Variants in CNTNAP5 observed in about 807,000 individuals in gnomAD.
The protein encoded by CNTNAP5 is contactin-associated protein-like 5.
In CNTNAP5, 72 loss-of-function variants were observed where a neutral mutation model predicts 150.2. That is an observed-to-expected ratio of 0.48 (90% CI 0.40 to 0.58). CNTNAP5 has a LOEUF of 0.58. Among genes scored for constraint, CNTNAP5 ranks in the 20% least tolerant of loss-of-function variants. CNTNAP5 has a pLI of 0.00. For synonymous variants in CNTNAP5, 672 were observed against 619.8 expected (o/e 1.08, Z -1.25); for missense variants, 1,636 against 1,626.2 (o/e 1.01, Z -0.10).
intron 1 of CNTNAP5, among the ~76,000 whole-genome samples, chr2:124,098,921 A>G (rs777489116): frequency 9.3e-4 from 142 of 152,194 alleles, no homozygotes; most frequent in Non-Finnish European, 1.0e-3. Context: ...AAGACACTGC[A>G]CCAACTGCCT....
chr2:124,502,000 C>T (rs777211065), intron 7 of CNTNAP5, among the ~76,000 whole-genome samples: 87 of 152,090 alleles, frequency 5.7e-4, no homozygotes, highest in Non-Finnish European at 1.0e-3. Flanking sequence ...TGAAGGGAAT[C>T]GGGGGAAGGG....
At chr2:124,789,829 A>G (rs1681683399) in intron 17 of CNTNAP5, 73 bp from the exon 18 acceptor site, 3 of 1,405,008 alleles carry the variant, frequency 2.1e-6, no homozygotes, top group Non-Finnish European at 2.9e-6. Context: ...ACTCTTACCC[A>G]TGCCAACATT....
Position 124,830,786 on chromosome 2 carries a change from A to G in CNTNAP5, c.3217+32466A>G, listed in dbSNP as rs571580802. On this transcript the variant is annotated intron_variant, in intron 19 of 23. Coordinates refer to ENST00000682447, the MANE Select transcript of CNTNAP5 (RefSeq NM_001367498.1). ...GAGTTAGAACTGGAGAAAAAAAGTT[A>G]CAAGAACTGATGAAAAAGTTGAAAG... is the stretch of plus-strand genomic sequence containing the variant. Among the ~76,000 whole-genome samples the G allele has an allele frequency of 7.2e-5, 11 of 152,194 alleles. No homozygotes were observed. In the East Asian group the frequency reaches 2.1e-3, roughly 29 times the overall value.
intron 7 of CNTNAP5, among the ~76,000 whole-genome samples, chr2:124,503,366 C>G (rs1164433355): frequency 1.3e-5 from 2 of 152,166 alleles, no homozygotes; most frequent in Non-Finnish European, 2.9e-5. Context: ...AACTGTACTG[C>G]GTATCTAACT....
chr2:124,391,279 G>A (rs61129459), intron 3 of CNTNAP5, among the ~76,000 whole-genome samples: 15,348 of 152,096 alleles, frequency 0.1, 1,102 homozygotes, highest in African/African-American at 0.21. Context: ...AGATCTTTGA[G>A]AAATTTTAGA....
At chr2:124,136,206 A>G (rs921456932) in intron 1 of CNTNAP5, among the ~76,000 whole-genome samples, 1 of 152,328 alleles carries the variant, frequency 6.6e-6, no homozygotes, top group African/African-American at 2.4e-5. Flanking sequence ...AAATCCCCAG[A>G]GCTGTAAGTG....
intron 1 of CNTNAP5, among the ~76,000 whole-genome samples, chr2:124,128,827 T>C (rs1444903255): frequency 1.3e-5 from 2 of 152,016 alleles, no homozygotes; most frequent in African/African-American, 4.8e-5. Context: ...AACCAAACAC[T>C]GCATATTCTC....
intron 3 of CNTNAP5, among the ~76,000 whole-genome samples, chr2:124,251,024 A>G (rs1039869166): frequency 2.6e-5 from 4 of 152,130 alleles, no homozygotes; most frequent in Non-Finnish European, 5.9e-5. Flanking sequence ...TGCAAACAAA[A>G]TAAGTGTGAG....
intron 3 of CNTNAP5, among the ~76,000 whole-genome samples, chr2:124,333,825 A>G (rs2104683275): frequency 6.6e-6 from 1 of 152,310 alleles, no homozygotes; most frequent in South Asian, 2.1e-4. Context: ...AAGTACTAAG[A>G]TCTTTAAAAA....
intron 13 of CNTNAP5, among the ~76,000 whole-genome samples, chr2:124,688,257 G>T (rs2105076284): frequency 1.3e-5 from 2 of 152,178 alleles, no homozygotes; most frequent in South Asian, 4.1e-4. Context: ...CTTTGGAAAT[G>T]CTGGAATAAA....
intron 18 of CNTNAP5, among the ~76,000 whole-genome samples, chr2:124,792,153 CT>C (rs1406545015): frequency 1.3e-5 from 2 of 152,176 alleles, no homozygotes; most frequent in African/African-American, 4.8e-5. Flanking sequence ...CTGAATATAT[CT>C]TGGATAGAAT....
intron 3 of CNTNAP5, among the ~76,000 whole-genome samples, chr2:124,407,484 A>T (rs533031640): frequency 2.0e-5 from 3 of 152,308 alleles, no homozygotes; most frequent in Non-Finnish European, 2.9e-5. Context: ...AAGAAAAGGC[A>T]TATCAGTGTA....
rs563333113 is a variant in CNTNAP5 at position 124,751,702 on chromosome 2, G to A, written c.2234+4317G>A. Among the ~76,000 whole-genome samples, 36 of 152,276 alleles carry A rather than the reference G, an allele frequency of 2.4e-4. No individual in the cohort carries two copies. In the Middle Eastern group the frequency reaches 0.027, roughly 115 times the overall value. ...CCTCAGAGAAACTTTGGATATTCTT[G>A]CCTTGTAAAATTCCCTCAAGCTTTT... On this transcript the variant is annotated intron_variant, in intron 14 of 23. Coordinates refer to ENST00000682447, the MANE Select transcript of CNTNAP5 (RefSeq NM_001367498.1).
At chr2:124,808,502 GGC>G (rs938730439) in intron 19 of CNTNAP5, among the ~76,000 whole-genome samples, 38 of 151,652 alleles carry the variant, frequency 2.5e-4, no homozygotes, top group Non-Finnish European at 5.6e-4. Flanking sequence ...GCAGAGTAAT[GGC>G]TTGAACCTGG....
At chr2:124,055,639 T>TC (rs35934610) in intron 1 of CNTNAP5, among the ~76,000 whole-genome samples, 132,260 of 152,098 alleles carry the variant, frequency 0.87, 57,616 homozygotes, top group Non-Finnish European at 0.89. Flanking sequence ...GAATCCCAAG[T>TC]CTTTGTCCCC....
intron 19 of CNTNAP5, among the ~76,000 whole-genome samples, chr2:124,849,832 G>A (rs1683119888): frequency 1.3e-5 from 2 of 152,114 alleles, no homozygotes; most frequent in African/African-American, 2.4e-5. Flanking sequence ...GCTCTGGGAC[G>A]CCTAACTGAG....
chr2:124,538,500 A>G (rs886347190), intron 10 of CNTNAP5, among the ~76,000 whole-genome samples: 3 of 151,732 alleles, frequency 2.0e-5, no homozygotes, highest in Non-Finnish European at 2.9e-5. Context: ...AGAGAGAGAA[A>G]GAGAGACTCT....
At chr2:124,423,907 G>A (rs367714242) in intron 4 of CNTNAP5, among the ~76,000 whole-genome samples, 69 of 151,066 alleles carry the variant, frequency 4.6e-4, no homozygotes, top group African/African-American at 1.3e-3. Context: ...CTCGTGATCC[G>A]CCCGCCTCGG....
chr2:124,713,656 G>C (rs780678038), intron 13 of CNTNAP5, among the ~76,000 whole-genome samples: 1 of 151,880 alleles, frequency 6.6e-6, no homozygotes. Context: ...GATTACAGGC[G>C]TGAGCCACCA....
Sources: gnomAD v4.1 joint callset for allele counts (sites outside exome capture counted in the v4.1 genomes callset) on GRCh38, gnomAD v4.1.1 for gene constraint, MANE v1.5 for transcripts, NCBI Gene and HGNC (gene_info 2026-07-23, HGNC 2026-07-21) for gene names.